Variants in SAMD4A observed in about 807,000 individuals in gnomAD.
SAMD4A encodes protein Smaug homolog 1.
A neutral mutation model predicts 81.3 loss-of-function variants in SAMD4A; 33 were observed. That is an observed-to-expected ratio of 0.41 (90% confidence interval 0.31 to 0.54). SAMD4A has a LOEUF of 0.54. Among genes scored for constraint, SAMD4A ranks in the 20% least tolerant of loss-of-function variants. SAMD4A has a pLI of 0.37. For synonymous variants in SAMD4A, 389 were observed against 382.1 expected (o/e 1.02, Z -0.21); for missense variants, 854 against 951.1 (o/e 0.90, Z 1.34).
At chr14:54,723,780 C>G (rs1393744316) in intron 3 of SAMD4A, among the ~76,000 whole-genome samples, 2 of 152,190 alleles carry the variant, frequency 1.3e-5, no homozygotes, top group Non-Finnish European at 2.9e-5. Context: ...ATCAGTATCC[C>G]TAGCGACTAA....
At chr14:54,663,358 C>T (rs184956517) in intron 2 of SAMD4A, among the ~76,000 whole-genome samples, 6 of 152,122 alleles carry the variant, frequency 3.9e-5, no homozygotes, top group African/African-American at 7.2e-5. Flanking sequence ...TGATAGACCG[C>T]GGTCTAAAGT....
chr14:54,677,363 A>C (rs1292840418), intron 2 of SAMD4A, among the ~76,000 whole-genome samples: 1 of 152,260 alleles, frequency 6.6e-6, no homozygotes, highest in Non-Finnish European at 1.5e-5. Context: ...ACAAAACAGC[A>C]GCAAAAACCA....
rs1295779755 is a variant in SAMD4A, at chr14:54,567,963, G to C, written c.47G>C (p.Gly16Ala). 2 of 1,610,298 alleles carry C rather than the reference G, an allele frequency of 1.2e-6. No homozygotes were observed. The highest frequency in any genetic ancestry group is 2.7e-5 in the African/African-American group (2 of 74,792). ...QVGVLAGWFKGWNECEQTVAL... is the reference protein window; with the variant it reads ...QVGVLAGWFKAWNECEQTVAL... ...GGGGTGCTGGCGGGCTGGTTTAAGG[G>C]CTGGAACGAGTGCGAGCAGACTGTT... Residue 16 changes from glycine to alanine, a missense_variant, in exon 2 of 13, where the codon GGC (glycine) becomes GCC (alanine). By Grantham distance (60) the Gly-to-Ala change is moderately conservative (BLOSUM62 0). This residue lies in a region of SAMD4A where 387 missense variants were observed against 405.8 expected (regional missense o/e 0.95). Coordinates refer to ENST00000554335, the MANE Select transcript of SAMD4A (RefSeq NM_015589.6).
At chr14:54,715,933 G>C (rs1387496098) in intron 3 of SAMD4A, among the ~76,000 whole-genome samples, 1 of 152,084 alleles carries the variant, frequency 6.6e-6, no homozygotes, top group African/African-American at 2.4e-5. Flanking sequence ...GCATGCTACA[G>C]TTATAAATGT....
At chr14:54,578,646 A>C (rs1449016018) in intron 2 of SAMD4A, among the ~76,000 whole-genome samples, 1 of 152,080 alleles carries the variant, frequency 6.6e-6, no homozygotes, top group African/African-American at 2.4e-5. Flanking sequence ...GAGGAGGCGG[A>C]GGTTGCAGTA....
At chr14:54,695,073 C>T (rs1000018759) in intron 2 of SAMD4A, 1 of 236,702 alleles carries the variant, frequency 4.2e-6, no homozygotes, top group Non-Finnish European at 6.9e-6. Flanking sequence ...CTATACAGTC[C>T]ACTACATAGA....
At chr14:54,628,600 A>G (rs549765773) in intron 2 of SAMD4A, among the ~76,000 whole-genome samples, 5 of 152,130 alleles carry the variant, frequency 3.3e-5, no homozygotes, top group Non-Finnish European at 7.4e-5. Context: ...AAATGGTGAT[A>G]ATCATATCAA....
intron 2 of SAMD4A, among the ~76,000 whole-genome samples, chr14:54,644,517 A>G (rs1259440868): frequency 6.6e-6 from 1 of 152,206 alleles, no homozygotes; most frequent in Non-Finnish European, 1.5e-5. Context: ...CAGGTGAGAA[A>G]AGAAGACATA....
At chr14:54,602,118 G>A (rs1169113239) in intron 2 of SAMD4A, among the ~76,000 whole-genome samples, 1 of 152,174 alleles carries the variant, frequency 6.6e-6, no homozygotes, top group African/African-American at 2.4e-5. Context: ...TTCTGGTTTA[G>A]AAGAGGAATG....
At chr14:54,708,584 G>A (rs1461671319) in intron 3 of SAMD4A, among the ~76,000 whole-genome samples, 2 of 152,188 alleles carry the variant, frequency 1.3e-5, no homozygotes, top group East Asian at 3.9e-4. Flanking sequence ...CCAGGCCTGG[G>A]CACCTCAACC....
chr14:54,701,518 C>T (rs1290412839), intron 2 of SAMD4A, among the ~76,000 whole-genome samples: 1 of 152,224 alleles, frequency 6.6e-6, no homozygotes, highest in Non-Finnish European at 1.5e-5. Flanking sequence ...TGCAGTCTTA[C>T]TGCACAGAGA....
chr14:54,760,578 T>C (rs1053644362), intron 7 of SAMD4A, 84 bp downstream of exon 7: 3 of 1,355,452 alleles, frequency 2.2e-6, no homozygotes, highest in African/African-American at 3.1e-5. Flanking sequence ...CCCTGGGTGC[T>C]GGATAAATTC....
At chr14:54,593,281 C>T (rs1368117716) in intron 2 of SAMD4A, among the ~76,000 whole-genome samples, 1 of 152,090 alleles carries the variant, frequency 6.6e-6, no homozygotes, top group Non-Finnish European at 1.5e-5. Context: ...TCCTGGAGAA[C>T]CTAATTAATT....
chr14:54,730,170 G>T (rs776741135), intron 3 of SAMD4A, among the ~76,000 whole-genome samples: 1 of 152,222 alleles, frequency 6.6e-6, no homozygotes, highest in African/African-American at 2.4e-5. Context: ...CTGTAGAGTA[G>T]TAAGAGCTGA....
chr14:54,656,783 A>T (rs891209802), intron 2 of SAMD4A, among the ~76,000 whole-genome samples: 5 of 152,070 alleles, frequency 3.3e-5, no homozygotes, highest in African/African-American at 1.2e-4. Flanking sequence ...GCCCGCCACC[A>T]TGCCCAGCTA....
At chr14:54,768,814 G>A (rs749266617) in intron 8 of SAMD4A, among the ~76,000 whole-genome samples, 22 of 152,280 alleles carry the variant, frequency 1.4e-4, no homozygotes, top group South Asian at 6.2e-4. Flanking sequence ...CCTCAATGAC[G>A]TTTCTGCCAC....
intron 2 of SAMD4A, among the ~76,000 whole-genome samples, chr14:54,645,227 G>T (rs1192876231): frequency 6.6e-6 from 1 of 152,202 alleles, no homozygotes; most frequent in African/African-American, 2.4e-5. Flanking sequence ...AGGACTTTGG[G>T]AGGTTGAGGC....
chr14:54,620,963 TC>T (rs1001129564), intron 2 of SAMD4A, among the ~76,000 whole-genome samples: 2 of 152,166 alleles, frequency 1.3e-5, no homozygotes, highest in African/African-American at 4.8e-5. Flanking sequence ...CATTTTTTTG[TC>T]TTGCTGTGTT....
chr14:54,760,203 C>G lies in SAMD4A; in HGVS notation c.1219C>G (p.Leu407Val). 6.2e-7 allele frequency: 1 copy of G among 1,613,416 alleles called. No homozygotes were observed. Among genetic ancestry groups the G allele is most frequent in the Non-Finnish European group, 8.5e-7 (1 of 1,179,928 alleles). ...GGSLRIPLQE[L>V]HQMILTPIKA... ...CAGCCTGCGCATCCCGCTCCAGGAA[C>G]TGCACCAGATGATCCTGACTCCGAT... The change falls in exon 7 of 13, where the codon CTG becomes GTG. Residue 407 changes from leucine (L) to valine (V), a missense_variant. Coordinates refer to ENST00000554335, the MANE Select transcript of SAMD4A (RefSeq NM_015589.6).
Sources: allele counts gnomAD v4.1 joint callset (sites outside exome capture counted in the v4.1 genomes callset), GRCh38; gene constraint gnomAD v4.1.1; regional missense constraint gnomAD v4.1.1; transcripts MANE v1.5; gene names NCBI Gene and HGNC (gene_info 2026-07-23, HGNC 2026-07-21).